PCDH11X: variants seen among roughly 807,000 people sequenced by gnomAD.
The protein encoded by PCDH11X is protocadherin-11 X-linked.
A neutral mutation model predicts 53.3 loss-of-function variants in PCDH11X; 18 were observed. The observed-to-expected ratio is 0.34, with a 90% confidence interval of 0.23 to 0.50. PCDH11X has a LOEUF of 0.50. Ranked by LOEUF, PCDH11X falls within the 20% of genes least tolerant of loss-of-function variation. The probability of loss-of-function intolerance (pLI) is 0.98; values close to 1 mark genes in which losing one functional copy is unlikely to be tolerated. For synonymous variants in PCDH11X, 279 were observed against 393.3 expected, an observed-to-expected ratio of 0.71 and a Z score of 3.44; for missense variants, 570 against 1,032.4, an observed-to-expected ratio of 0.55 and a Z score of 6.14.
intron 1 of PCDH11X, among the ~76,000 whole-genome samples, chrX:91,808,263 A>G (rs893583097): frequency 5.9e-4 from 63 of 106,550 alleles, no homozygotes; most frequent in African/African-American, 2.1e-3. Context: ...TTGGGAGGCC[A>G]AGGCGGGCAA....
In PCDH11X at chrX:92,205,420, C is replaced by T. The variant is rs985698815; in HGVS notation, c.3114+3965C>T. Among the ~76,000 whole-genome samples the T allele has an allele frequency of 1.5e-4, 16 of 110,189 alleles. 1 individual carries two copies. Among genetic ancestry groups the T allele is most frequent in the South Asian group, 7.8e-4 (2 of 2,559 alleles). On this transcript the variant is annotated intron_variant, in intron 7 of 10. Transcript: ENST00000682573. ...TGTTTGATTAAGAAACCGTTGCAGT[C>T]GTCCTCAGAATAGAAGTGTTGAAGA...
chrX:92,556,747 C>T (rs6619075), intron 10 of PCDH11X, among the ~76,000 whole-genome samples: 1 of 107,478 alleles, frequency 9.3e-6, no homozygotes, highest in East Asian at 3.0e-4. Context: ...CACAGCTCCA[C>T]TAGGCAGTGC....
At chrX:91,842,402 A>C (rs1937536408) in intron 5 of PCDH11X, among the ~76,000 whole-genome samples, 1 of 108,074 alleles carries the variant, frequency 9.3e-6, no homozygotes, top group Non-Finnish European at 1.9e-5. Context: ...TTTTGCTTGC[A>C]CAAATTATAT....
intron 7 of PCDH11X, among the ~76,000 whole-genome samples, chrX:92,255,936 C>T (rs1016101498): frequency 8.0e-5 from 9 of 112,548 alleles, no homozygotes; most frequent in African/African-American, 2.9e-4. Flanking sequence ...GGCAGGCAGG[C>T]CTCCTTGAGC....
intron 9 of PCDH11X, among the ~76,000 whole-genome samples, chrX:92,453,728 A>G (rs750064759): frequency 9.0e-6 from 1 of 111,033 alleles, no homozygotes; most frequent in South Asian, 3.8e-4. Context: ...TATTTCTTTG[A>G]TTTGAAATAG....
At chrX:92,524,734 G>A (rs2074421443) in intron 10 of PCDH11X, among the ~76,000 whole-genome samples, 1 of 110,190 alleles carries the variant, frequency 9.1e-6, no homozygotes, top group Non-Finnish European at 1.9e-5. Context: ...TTGCCATTCT[G>A]TGACTTGCCA....
chrX:92,064,289 T>G, intron 6 of PCDH11X, among the ~76,000 whole-genome samples: 1 of 109,544 alleles, frequency 9.1e-6, no homozygotes, highest in Middle Eastern at 4.7e-3. Context: ...GGCCTCATTT[T>G]AGTTATAAAC....
chrX:91,893,284 G>T (rs1382912791), intron 6 of PCDH11X, among the ~76,000 whole-genome samples: 1 of 109,861 alleles, frequency 9.1e-6, no homozygotes, highest in Non-Finnish European at 1.9e-5. Flanking sequence ...AAGTATCAAA[G>T]GAAAAATTTA....
At chrX:92,319,953 C>A (rs1320021344) in intron 8 of PCDH11X, among the ~76,000 whole-genome samples, 2 of 111,584 alleles carry the variant, frequency 1.8e-5, no homozygotes, top group African/African-American at 6.5e-5. Flanking sequence ...ACACAGTTTC[C>A]TTTATCATTT....
chrX:92,534,732 A>G lies in PCDH11X; in HGVS notation c.3367+66410A>G, dbSNP rs370389572. ...CAGCAGAAACTCTACAAGCCAGAAG[A>G]GAGTGGGGGCCAATATTCAACATTC... On this transcript the variant is annotated intron_variant, in intron 10 of 10. Coordinates refer to ENST00000682573, the MANE Select transcript of PCDH11X (RefSeq NM_032968.5). 5.0e-3 allele frequency among the ~76,000 whole-genome samples: 556 copies of G among 111,739 alleles called. 5 individuals carry two copies. In the South Asian group the frequency reaches 0.068, roughly 14 times the overall value.
chrX:92,500,292 T>A (rs2073938621), intron 10 of PCDH11X, among the ~76,000 whole-genome samples: 1 of 111,982 alleles, frequency 8.9e-6, no homozygotes, highest in African/African-American at 3.2e-5. Context: ...GGTGAAAATA[T>A]GACACGAAAC....
chrX:92,383,329 T>G (rs1372054098), intron 8 of PCDH11X, among the ~76,000 whole-genome samples: 1 of 109,511 alleles, frequency 9.1e-6, no homozygotes, highest in African/African-American at 3.3e-5. Flanking sequence ...ATGTTTTTTT[T>G]TTTTTTTTTA....
intron 6 of PCDH11X, among the ~76,000 whole-genome samples, chrX:92,156,967 A>G (rs745393929): frequency 2.7e-5 from 3 of 111,886 alleles, no homozygotes; most frequent in South Asian, 7.5e-4. Context: ...ATTTGAATAC[A>G]CTTTAACTAA....
intron 6 of PCDH11X, among the ~76,000 whole-genome samples, chrX:92,068,331 G>A (rs779012180): frequency 9.1e-6 from 1 of 110,227 alleles, no homozygotes; most frequent in African/African-American, 3.3e-5. Context: ...TGCTTTTGCT[G>A]TATTCCAAAG....
chrX:92,108,944 G>T (rs1184079011), intron 6 of PCDH11X, among the ~76,000 whole-genome samples: 12 of 111,853 alleles, frequency 1.1e-4, no homozygotes. Context: ...CCGCTGCCTA[G>T]ACAGAGACGA....
chrX:92,379,880 A>G (rs1344297001), intron 8 of PCDH11X, among the ~76,000 whole-genome samples: 2 of 102,108 alleles, frequency 2.0e-5, no homozygotes, highest in Admixed American at 1.0e-4. Flanking sequence ...TCACACTCCA[A>G]TTGTCTGCAT....
At position 92,475,087 on chromosome X, in the gene PCDH11X, C is replaced by T. The variant is rs375166163; in HGVS notation, c.3367+6765C>T. On this transcript the variant is annotated intron_variant, in intron 10 of 10. Coordinates refer to ENST00000682573, the MANE Select transcript of PCDH11X (RefSeq NM_032968.5). ...GGCTGAGGCAGGAGAATGGCGTGAA[C>T]CCGGGAGGCGGAGCTTGCAGTGAGC... Among the ~76,000 whole-genome samples the T allele has an allele frequency of 4.0e-3, 387 of 97,294 alleles. 4 individuals are homozygous for T. The South Asian group carries it at 0.044, about 11-fold the overall frequency. The allele number at this position is 97,294 out of a possible 115,157, so 84.5% of individuals were successfully genotyped here.
intron 9 of PCDH11X, among the ~76,000 whole-genome samples, chrX:92,394,304 T>C (rs1428941302): frequency 2.7e-5 from 3 of 110,995 alleles, no homozygotes; most frequent in Non-Finnish European, 5.7e-5. Flanking sequence ...GGTTGATCAC[T>C]CAAAAGCAGG....
At position 91,820,448 on chromosome X, in the gene PCDH11X, T is replaced by G. The variant is rs1189268785; in HGVS notation, c.-45+9153T>G. Reference sequence around the variant, plus strand: ...TGATGATGAGCATTTTTTCATGTGTTTTTTGGCTGCATAAATGTCTTCTTT... The same window carrying G: ...TGATGATGAGCATTTTTTCATGTGTGTTTTGGCTGCATAAATGTCTTCTTT... On this transcript the variant is annotated intron_variant, in intron 4 of 10. Transcript: ENST00000682573. Among the ~76,000 whole-genome samples, 263 of 87,214 alleles carry G rather than the reference T, an allele frequency of 3.0e-3. 2 individuals are homozygous for G. The highest frequency in any genetic ancestry group is 0.014 in the African/African-American group (246 of 17,881). 75.7% of individuals were successfully genotyped at this position (87,214 alleles called of 115,157 possible).
Sources: gnomAD v4.1 joint callset for allele counts (sites outside exome capture counted in the v4.1 genomes callset) on GRCh38, gnomAD v4.1.1 for gene constraint, MANE v1.5 for transcripts, NCBI Gene and HGNC (gene_info 2026-07-23, HGNC 2026-07-21) for gene names.